ASAP1: variants seen among roughly 807,000 people sequenced by gnomAD.
The protein encoded by ASAP1 is ArfGAP with SH3 domain, ankyrin repeat and PH domain 1.
A neutral mutation model predicts 145.2 loss-of-function variants in ASAP1; 43 were observed. The observed-to-expected ratio is 0.30, with a 90% CI of 0.23 to 0.38. The LOEUF (loss-of-function observed/expected upper bound fraction) is 0.38, where lower values mean the gene tolerates loss of function less well. Among genes scored for constraint, ASAP1 ranks in the 10% least tolerant of loss-of-function variants. The probability of loss-of-function intolerance (pLI) is 1.00; values close to 1 mark genes in which losing one functional copy is unlikely to be tolerated. For synonymous variants in ASAP1, 546 were observed against 515.5 expected (o/e 1.06, Z -0.80); for missense variants, 1,018 against 1,355.3 (o/e 0.75, Z 3.91).
rs934575071 is a variant in ASAP1 at position 130,358,647 on chromosome 8, T to C, written c.60-504A>G. ...CGGGCGGGCGGCGCTCGCGCTGCAG[T>C]CACGGGGCCAAACAAGGAAGTGCTC... On this transcript the variant is annotated intron_variant, in intron 2 of 29. Transcript: ENST00000518721. The surrounding 1 kb of genome is among the most constrained non-coding windows in gnomAD (Gnocchi z 4.1). Among the ~76,000 whole-genome samples, 3 of 146,618 alleles carry C rather than the reference T, an allele frequency of 2.0e-5. No homozygotes were observed. The highest frequency in any genetic ancestry group is 7.4e-5 in the African/African-American group (3 of 40,776).
intron 24 of ASAP1, among the ~76,000 whole-genome samples, chr8:130,096,349 T>G (rs371034215): frequency 4.4e-4 from 67 of 151,862 alleles, no homozygotes; most frequent in African/African-American, 1.5e-3. Flanking sequence ...TGAAACAAAA[T>G]AAAATGGAAC....
chr8:130,307,514 T>A (rs769257836), intron 3 of ASAP1, among the ~76,000 whole-genome samples: 3 of 152,194 alleles, frequency 2.0e-5, no homozygotes, highest in Non-Finnish European at 4.4e-5. Flanking sequence ...CAGAGCAAAG[T>A]GGTAAAATTT....
chr8:130,061,209 C>T (rs2097418861), intron 27 of ASAP1, 140 bp from the exon 28 acceptor site: 2 of 1,005,376 alleles, frequency 2.0e-6, no homozygotes, highest in Non-Finnish European at 1.4e-6. Flanking sequence ...GGGCCAGGCC[C>T]ACCCAGGCAG....
At chr8:130,072,267 T>C (rs2097448249) in intron 27 of ASAP1, among the ~76,000 whole-genome samples, 1 of 152,164 alleles carries the variant, frequency 6.6e-6, no homozygotes, top group South Asian at 2.1e-4. Flanking sequence ...AATTTCACCT[T>C]GAATTGTAGC....
At position 130,160,756 on chromosome 8, in the gene ASAP1, A is replaced by G. The variant is rs1238056574; in HGVS notation, c.910-792T>C. 7 of 1,261,130 alleles carry G rather than the reference A, an allele frequency of 5.6e-6. No homozygotes were observed. In the East Asian group the frequency reaches 3.4e-4, roughly 61 times the overall value. 78.1% of individuals were successfully genotyped at this position (1,261,130 alleles called of 1,614,324 possible). Reference sequence around the variant, plus strand: ...GGTCTTTAGACATACAAGTAGGACAATATATTCTCATAAAAAGTATTGACT... The same window carrying G: ...GGTCTTTAGACATACAAGTAGGACAGTATATTCTCATAAAAAGTATTGACT... On this transcript the variant is annotated intron_variant, in intron 11 of 29. Transcript: ENST00000518721.
At chr8:130,226,683 A>G (rs564845367) in intron 4 of ASAP1, among the ~76,000 whole-genome samples, 1 of 152,354 alleles carries the variant, frequency 6.6e-6, no homozygotes, top group African/African-American at 2.4e-5. Flanking sequence ...TGACAAATCC[A>G]TTAAATAACA....
intron 3 of ASAP1, among the ~76,000 whole-genome samples, chr8:130,333,878 G>C (rs1303508494): frequency 1.1e-4 from 16 of 152,224 alleles, no homozygotes; most frequent in Admixed American, 9.8e-4. Flanking sequence ...TTACAGAAGA[G>C]ACTCACAGCC....
intron 12 of ASAP1, among the ~76,000 whole-genome samples, chr8:130,159,466 CA>C (rs1267456860): frequency 1.4e-5 from 2 of 138,408 alleles, no homozygotes; most frequent in Non-Finnish European, 3.1e-5. Context: ...AGTAAAAATA[CA>C]AAAAATTAGC....
At position 130,288,925 on chromosome 8, in the gene ASAP1, G is replaced by T. The variant is rs576630238; in HGVS notation, c.187-51931C>A. Among the ~76,000 whole-genome samples, 13 of 152,368 alleles carry T rather than the reference G, an allele frequency of 8.5e-5. No homozygotes were observed. In the South Asian group the frequency reaches 1.5e-3, roughly 17 times the overall value. On this transcript the variant is annotated intron_variant, in intron 3 of 29. Transcript: ENST00000518721. Reference sequence around the variant, plus strand: ...ACCAAGGCTGGGCGCGGTGGCTCATGCTTGTAATCCCAGCACTTTGGGAGG... The same window carrying T: ...ACCAAGGCTGGGCGCGGTGGCTCATTCTTGTAATCCCAGCACTTTGGGAGG...
chr8:130,340,400 T>C (rs1825300318), intron 3 of ASAP1, among the ~76,000 whole-genome samples: 1 of 152,134 alleles, frequency 6.6e-6, no homozygotes, highest in South Asian at 2.1e-4. Context: ...TAAACACAAA[T>C]TAACTCACCC....
intron 4 of ASAP1, among the ~76,000 whole-genome samples, chr8:130,218,189 C>T (rs1055271178): frequency 6.6e-6 from 1 of 151,990 alleles, no homozygotes; most frequent in Non-Finnish European, 1.5e-5. Flanking sequence ...CACCTTACCA[C>T]CAAGACTCCT....
intron 3 of ASAP1, among the ~76,000 whole-genome samples, chr8:130,288,583 T>A (rs1377920665): frequency 1.3e-5 from 2 of 152,196 alleles, no homozygotes; most frequent in South Asian, 2.1e-4. Flanking sequence ...GTTAATCACC[T>A]TCAAGACCCT....
intron 5 of ASAP1, among the ~76,000 whole-genome samples, chr8:130,209,834 C>T (rs899841940): frequency 1.3e-4 from 19 of 151,852 alleles, no homozygotes; most frequent in Admixed American, 9.8e-4. Context: ...TATGGTTATT[C>T]GGACTCCAGT....
At chr8:130,099,416 G>A (rs1264425592) in intron 24 of ASAP1, among the ~76,000 whole-genome samples, 4 of 151,902 alleles carry the variant, frequency 2.6e-5, no homozygotes, top group African/African-American at 7.3e-5. Context: ...TCCTGACCTC[G>A]TGATCCGCCC....
At chr8:130,418,033 C>T (rs1469720833) in intron 1 of ASAP1, among the ~76,000 whole-genome samples, 1 of 152,162 alleles carries the variant, frequency 6.6e-6, no homozygotes, top group African/African-American at 2.4e-5. Context: ...ACAAGACCCA[C>T]AGACCAAGGG....
intron 7 of ASAP1, among the ~76,000 whole-genome samples, chr8:130,181,603 T>C (rs1450479050): frequency 6.6e-6 from 1 of 152,196 alleles, no homozygotes; most frequent in Non-Finnish European, 1.5e-5. Flanking sequence ...CACTTGTCAC[T>C]GGAATGTACA....
intron 3 of ASAP1, among the ~76,000 whole-genome samples, chr8:130,284,009 A>G (rs4733780): frequency 0.4 from 60,806 of 152,078 alleles, 12,742 homozygotes; most frequent in East Asian, 0.65. Context: ...AACCTTGTGG[A>G]GGACTGGGTA....
chr8:130,116,142 A>C (rs1192297109), intron 22 of ASAP1, among the ~76,000 whole-genome samples: 1 of 152,238 alleles, frequency 6.6e-6, no homozygotes, highest in Non-Finnish European at 1.5e-5. Context: ...TCTTTTAAGA[A>C]TAAAAAGGCC....
Position 130,350,034 on chromosome 8 carries a change from G to C in ASAP1, c.186+7983C>G, listed in dbSNP as rs528770946. ...AAACAGACAATGAAGGCAAAGGTCT[G>C]GGTAGTGTTTGAACATCCAACACCA... On this transcript the variant is annotated intron_variant, in intron 3 of 29. Transcript: ENST00000518721. Among the ~76,000 whole-genome samples the C allele has an allele frequency of 8.5e-5, 13 of 152,258 alleles. No homozygotes were observed. In the South Asian group the frequency reaches 1.0e-3, roughly 12 times the overall value.
Sources: gnomAD v4.1 joint callset for allele counts (sites outside exome capture counted in the v4.1 genomes callset) on GRCh38, gnomAD v4.1.1 for gene constraint, Gnocchi (gnomAD v3.1) non-coding constraint, MANE v1.5 for transcripts, NCBI Gene and HGNC (gene_info 2026-07-23, HGNC 2026-07-21) for gene names.